Variants in TMTC2 observed in about 807,000 individuals in gnomAD.
TMTC2 encodes protein O-mannosyl-transferase TMTC2.
Under a neutral mutation model 82.4 loss-of-function variants are expected in TMTC2, and 43 were observed. That is an observed-to-expected ratio of 0.52 (90% CI 0.41 to 0.67). The LOEUF (loss-of-function observed/expected upper bound fraction) is 0.67, where lower values mean the gene tolerates loss of function less well. TMTC2 is among the 30% of genes least tolerant of loss of function. The pLI, the probability that TMTC2 is intolerant of heterozygous loss-of-function variation, is 0.00. For synonymous variants in TMTC2, 408 were observed against 381.9 expected (o/e 1.07, Z -0.80); for missense variants, 919 against 1,012.4 (o/e 0.91, Z 1.25).
At chr12:82,776,336 G>A (rs915992896) in intron 1 of TMTC2, among the ~76,000 whole-genome samples, 1 of 152,076 alleles carries the variant, frequency 6.6e-6, no homozygotes, top group Non-Finnish European at 1.5e-5. Flanking sequence ...GTAGTCCCCA[G>A]GGAATGGCAG....
chr12:83,043,995 G>C (rs1202756251), intron 9 of TMTC2, among the ~76,000 whole-genome samples: 1 of 152,132 alleles, frequency 6.6e-6, no homozygotes, highest in African/African-American at 2.4e-5. Context: ...GGGAAATTCA[G>C]AGTCCTAATA....
chr12:83,125,905 ATAGC>A (rs1885085272), intron 11 of TMTC2, among the ~76,000 whole-genome samples: 1 of 152,176 alleles, frequency 6.6e-6, no homozygotes, highest in Non-Finnish European at 1.5e-5. Flanking sequence ...CAATTTGGTA[ATAGC>A]TAGCAAAGTC....
intron 11 of TMTC2, among the ~76,000 whole-genome samples, chr12:83,091,465 G>C (rs1310065357): frequency 6.6e-6 from 1 of 152,014 alleles, no homozygotes; most frequent in Non-Finnish European, 1.5e-5. Flanking sequence ...AATCTTAATA[G>C]TTGCTATACT....
At chr12:83,113,354 A>G (rs1436614138) in intron 11 of TMTC2, among the ~76,000 whole-genome samples, 2 of 152,212 alleles carry the variant, frequency 1.3e-5, no homozygotes, top group African/African-American at 4.8e-5. Context: ...AACCTTGTAG[A>G]TAAAAATGTG....
intron 7 of TMTC2, among the ~76,000 whole-genome samples, chr12:82,979,015 T>C (rs1304469449): frequency 6.6e-6 from 1 of 151,894 alleles, no homozygotes; most frequent in Non-Finnish European, 1.5e-5. Context: ...TGCTTTTTTT[T>C]GCTTTCCATT....
At chr12:82,874,650 A>G (rs150309359) in intron 2 of TMTC2, among the ~76,000 whole-genome samples, 122 of 152,196 alleles carry the variant, frequency 8.0e-4, no homozygotes, top group Non-Finnish European at 1.1e-3. Context: ...TCTCCCTTTT[A>G]TCATGAAGTT....
At chr12:83,116,803 T>C (rs1884778360) in intron 11 of TMTC2, among the ~76,000 whole-genome samples, 2 of 151,660 alleles carry the variant, frequency 1.3e-5, no homozygotes, top group Non-Finnish European at 2.9e-5. Flanking sequence ...ACTCACTTGT[T>C]TGAGTTCATT....
chr12:82,882,974 T>G (rs1431874360), intron 2 of TMTC2, among the ~76,000 whole-genome samples: 3 of 147,816 alleles, frequency 2.0e-5, no homozygotes. Context: ...GAGAATTGCT[T>G]GAACCTGGGA....
At chr12:83,005,553 G>A (rs980990362) in intron 8 of TMTC2, among the ~76,000 whole-genome samples, 27 of 152,098 alleles carry the variant, frequency 1.8e-4, no homozygotes, top group Admixed American at 8.5e-4. Context: ...CTCTGAGAGT[G>A]ACGGCTCTTA....
intron 11 of TMTC2, among the ~76,000 whole-genome samples, chr12:83,123,057 T>C (rs1885004097): frequency 6.6e-6 from 1 of 152,236 alleles, no homozygotes; most frequent in East Asian, 1.9e-4. Flanking sequence ...AATCACTGTT[T>C]GCTCTTCCCC....
At chr12:82,966,148 A>G (rs1181874954) in intron 6 of TMTC2, among the ~76,000 whole-genome samples, 4 of 152,162 alleles carry the variant, frequency 2.6e-5, no homozygotes, top group Admixed American at 2.0e-4. Context: ...ATTTTAAAAA[A>G]TATATTCTTT....
At chr12:83,128,281 C>T (rs1056127715) in intron 11 of TMTC2, among the ~76,000 whole-genome samples, 1 of 152,014 alleles carries the variant, frequency 6.6e-6, no homozygotes, top group African/African-American at 2.4e-5. Context: ...TTTTGCATTT[C>T]AGTATTAGAG....
chr12:83,127,128 T>C (rs1017592103), intron 11 of TMTC2, among the ~76,000 whole-genome samples: 1 of 152,088 alleles, frequency 6.6e-6, no homozygotes, highest in Non-Finnish European at 1.5e-5. Context: ...CTCATTTAAG[T>C]TTGCAAATTA....
chr12:82,743,460 A>T (rs1188138703), intron 1 of TMTC2, among the ~76,000 whole-genome samples: 1 of 151,960 alleles, frequency 6.6e-6, no homozygotes, highest in Non-Finnish European at 1.5e-5. Flanking sequence ...AAAAAAAAAA[A>T]AGAAAAAGCA....
At chr12:82,899,302 C>T in intron 3 of TMTC2, among the ~76,000 whole-genome samples, 1 of 151,928 alleles carries the variant, frequency 6.6e-6, no homozygotes, top group East Asian at 1.9e-4. Flanking sequence ...TCTCCATTTC[C>T]CCAGCAGCTC....
intron 11 of TMTC2, among the ~76,000 whole-genome samples, chr12:83,088,478 T>G (rs1883734597): frequency 6.6e-6 from 1 of 152,198 alleles, no homozygotes; most frequent in East Asian, 1.9e-4. Context: ...ATTTCCAGCT[T>G]TTCTTTTATA....
At chr12:82,940,392 C>T (rs1316784321) in intron 4 of TMTC2, among the ~76,000 whole-genome samples, 1 of 152,030 alleles carries the variant, frequency 6.6e-6, no homozygotes, top group Non-Finnish European at 1.5e-5. Flanking sequence ...AAAGGTCTCA[C>T]ATATTTGAGG....
intron 8 of TMTC2, among the ~76,000 whole-genome samples, chr12:83,021,603 ATTTT>A (rs145396643): frequency 2.8e-4 from 43 of 151,106 alleles, no homozygotes; most frequent in South Asian, 2.7e-3. Context: ...TATAAAAAAA[ATTTT>A]TTTTTAATGT....
chr12:82,697,766 G>A (rs767098899), intron 1 of TMTC2, among the ~76,000 whole-genome samples: 1 of 152,188 alleles, frequency 6.6e-6, no homozygotes, highest in Non-Finnish European at 1.5e-5. Context: ...CAAATAAACT[G>A]ATACGCAGTT....
Sources: allele counts gnomAD v4.1 joint callset (sites outside exome capture counted in the v4.1 genomes callset), GRCh38; gene constraint gnomAD v4.1.1; transcripts MANE v1.5; gene names NCBI Gene and HGNC (gene_info 2026-07-23, HGNC 2026-07-21).